SENP6: variants seen among roughly 807,000 people sequenced by gnomAD.
SENP6 encodes SUMO specific peptidase 6.
Under a neutral mutation model 134.5 loss-of-function variants are expected in SENP6, and 41 were observed. That is an observed-to-expected ratio of 0.30 (90% confidence interval 0.24 to 0.40). The LOEUF is 0.40. SENP6 is among the 10% of genes least tolerant of loss of function. SENP6 has a pLI of 1.00. For missense variants in SENP6, 1,248 were observed against 1,312.5 expected (o/e 0.95, Z 0.76); for synonymous variants, 395 against 429.8 (o/e 0.92, Z 1.00).
chr6:75,623,829 A>ATAAAACCTCAGAATT, intron 2 of SENP6, 71 bp from the exon 3 acceptor site: 1 of 1,365,698 alleles, frequency 7.3e-7, no homozygotes, highest in Non-Finnish European at 1.0e-6. Context: ...AACATAGAGG[A>ATAAAACCTCAGAATT]TAAAACCTCA....
intron 1 of SENP6, chr6:75,620,514 GCA>G (rs1768187232): frequency 6.6e-6 from 1 of 152,158 alleles, no homozygotes; most frequent in African/African-American, 2.4e-5. Context: ...TTTGATAAGG[GCA>G]CCAATCCCAT....
intron 12 of SENP6, 29 bp downstream of exon 12, chr6:75,675,497 CA>C: frequency 7.3e-7 from 1 of 1,362,634 alleles, no homozygotes; most frequent in Non-Finnish European, 1.0e-6. Flanking sequence ...TTTTACTTAC[CA>C]AAGCTTTCTT....
At chr6:75,662,053 A>T (rs1010007433) in intron 8 of SENP6, among the ~76,000 whole-genome samples, 5 of 151,890 alleles carry the variant, frequency 3.3e-5, no homozygotes, top group African/African-American at 1.2e-4. Context: ...TCTCCTTCTC[A>T]AAATAAATAA....
chr6:75,688,377 C>T (rs1026609491), intron 16 of SENP6, among the ~76,000 whole-genome samples: 1 of 152,182 alleles, frequency 6.6e-6, no homozygotes, highest in Admixed American at 6.5e-5. Context: ...CGCCCTGCTT[C>T]AGCTCACCCT....
intron 16 of SENP6, 105 bp from the exon 17 acceptor site, chr6:75,695,699 T>TGCACTCCA: frequency 1.1e-6 from 1 of 871,186 alleles, no homozygotes; most frequent in South Asian, 2.0e-5. Context: ...ATCGCTCCAC[T>TGCACTCCA]GCACTCCAGC....
intron 1 of SENP6, among the ~76,000 whole-genome samples, chr6:75,620,448 G>A (rs1768182471): frequency 6.6e-6 from 1 of 152,068 alleles, no homozygotes; most frequent in South Asian, 2.1e-4. Context: ...CACAAATGGT[G>A]CCTTCTGGCT....
At chr6:75,680,140 A>G (rs951441174) in intron 16 of SENP6, among the ~76,000 whole-genome samples, 1 of 152,202 alleles carries the variant, frequency 6.6e-6, no homozygotes, top group Non-Finnish European at 1.5e-5. Flanking sequence ...TACTATATAG[A>G]ATTAGTAGTA....
chr6:75,638,238 TTTTG>T (rs1255294957), intron 5 of SENP6, among the ~76,000 whole-genome samples: 11 of 86,738 alleles, frequency 1.3e-4, no homozygotes, highest in African/African-American at 3.8e-4. Context: ...TTCCCTTTTC[TTTTG>T]TTTTTTTTTT....
At chr6:75,606,047 A>G (rs967474840) in intron 1 of SENP6, among the ~76,000 whole-genome samples, 2 of 152,186 alleles carry the variant, frequency 1.3e-5, no homozygotes, top group African/African-American at 4.8e-5. Flanking sequence ...AGCCTGAGGT[A>G]TTAGTGGTAC....
chr6:75,642,878 A>G lies in SENP6; in HGVS notation c.479+2174A>G, dbSNP rs1363686921. On this transcript the variant is annotated intron_variant, in intron 6 of 23. Transcript: ENST00000447266. ...TAATAGTCTGTAAGTACTCAAAACT[A>G]TCTCAGCAAGGTCTAGGAGTTGGGG... 2.6e-5 allele frequency among the ~76,000 whole-genome samples: 4 copies of G among 152,218 alleles called. No individual in the cohort carries two copies. In the South Asian group the frequency reaches 6.2e-4, roughly 24 times the overall value.
intron 20 of SENP6, 140 bp from the exon 21 acceptor site, chr6:75,711,188 C>G: frequency 3.6e-6 from 2 of 555,702 alleles, no homozygotes; most frequent in Non-Finnish European, 6.5e-6. Flanking sequence ...CATACCACAT[C>G]TCTAGTGTCT....
intron 18 of SENP6, among the ~76,000 whole-genome samples, chr6:75,699,354 CTTTTTTTTTTT>C (rs71544060): frequency 2.6e-5 from 3 of 115,016 alleles, no homozygotes; most frequent in African/African-American, 6.4e-5. Context: ...TTTGTTTTTG[CTTTTTTTTTTT>C]TTTTTTTTTG....
intron 7 of SENP6, among the ~76,000 whole-genome samples, chr6:75,657,276 CA>C (rs975753897): frequency 1.3e-5 from 2 of 152,112 alleles, no homozygotes; most frequent in African/African-American, 2.4e-5. Flanking sequence ...TTCCGAATTC[CA>C]AAATGTCTGC....
intron 1 of SENP6, among the ~76,000 whole-genome samples, chr6:75,619,468 TG>T (rs1768101893): frequency 6.6e-6 from 1 of 152,052 alleles, no homozygotes; most frequent in Non-Finnish European, 1.5e-5. Context: ...TGTGTGTGTG[TG>T]TGTGTACATA....
rs964554281 is a variant in SENP6 at position 75,716,203 on chromosome 6, T to C, written c.*609T>C. ...TACACAAATATTTAAGAGGAAAGAG[T>C]ATTAAGAGCAATTCAAAAAAAGTAA... is the stretch of plus-strand genomic sequence containing the variant. On this transcript the variant is annotated 3_prime_UTR_variant, in exon 24 of 24. Transcript: ENST00000447266. 1 of 151,722 alleles carries C rather than the reference T, an allele frequency of 6.6e-6. No individual in the cohort carries two copies. 9.4% of individuals were successfully genotyped at this position (151,722 alleles called of 1,614,324 possible). A position where few individuals can be genotyped will look rare whatever the true frequency, so the allele number is the denominator to read the frequency against.
At chr6:75,710,584 T>C (rs190256890) in intron 20 of SENP6, among the ~76,000 whole-genome samples, 95 of 152,316 alleles carry the variant, frequency 6.2e-4, no homozygotes, top group Non-Finnish European at 1.1e-3. Flanking sequence ...TAAATATAGC[T>C]TTTCAATCCA....
intron 1 of SENP6, among the ~76,000 whole-genome samples, chr6:75,608,602 A>G (rs1440536278): frequency 6.6e-6 from 1 of 152,212 alleles, no homozygotes; most frequent in East Asian, 1.9e-4. Context: ...TGCATTGAGA[A>G]TATGAACTCA....
At chr6:75,610,395 A>C (rs1265592150) in intron 1 of SENP6, among the ~76,000 whole-genome samples, 1 of 152,212 alleles carries the variant, frequency 6.6e-6, no homozygotes, top group Non-Finnish European at 1.5e-5. Flanking sequence ...ATTACTTAGA[A>C]TGATGCAACA....
intron 16 of SENP6, among the ~76,000 whole-genome samples, chr6:75,687,625 T>C (rs2149888067): frequency 6.6e-6 from 1 of 152,328 alleles, no homozygotes; most frequent in South Asian, 2.1e-4. Context: ...TATTCCTTTC[T>C]GTTTGTTGAT....
Sources: allele counts gnomAD v4.1 joint callset (sites outside exome capture counted in the v4.1 genomes callset), GRCh38; gene constraint gnomAD v4.1.1; transcripts MANE v1.5; gene names NCBI Gene and HGNC (gene_info 2026-07-23, HGNC 2026-07-21).